The following AP3S1 variants were observed in gnomAD, a reference collection of about 807,000 sequenced individuals.
AP3S1 encodes AP-3 complex subunit sigma-1.
A neutral mutation model predicts 21.3 loss-of-function variants in AP3S1; 12 were observed. The observed-to-expected ratio is 0.56, with a 90% CI of 0.36 to 0.91. The LOEUF (loss-of-function observed/expected upper bound fraction) is 0.91, where lower values mean the gene tolerates loss of function less well. Among genes scored for constraint, AP3S1 ranks in the 40% least tolerant of loss-of-function variants. The probability of loss-of-function intolerance (pLI) is 0.01; values close to 1 mark genes in which losing one functional copy is unlikely to be tolerated. For synonymous variants in AP3S1, 48 were observed against 78.4 expected, an observed-to-expected ratio of 0.61 and a Z score of 2.05; for missense variants, 116 against 225.0, an observed-to-expected ratio of 0.52 and a Z score of 3.10.
intron 3 of AP3S1, among the ~76,000 whole-genome samples, chr5:115,871,685 GA>G (rs912876223): frequency 3.6e-4 from 53 of 146,834 alleles, no homozygotes; most frequent in Admixed American, 4.7e-4. Flanking sequence ...ATACCTAGAG[GA>G]AAAAAAAAAG....
chr5:115,881,526 C>G (rs1225517540), intron 3 of AP3S1, among the ~76,000 whole-genome samples: 6 of 152,194 alleles, frequency 3.9e-5, no homozygotes, highest in Non-Finnish European at 8.8e-5. Context: ...TTGACCTCCA[C>G]TGTTTTCTGG....
intron 1 of AP3S1, chr5:115,842,507 GCCCGGGAGGAGGAAGACGGCGTGGAA>G (rs371968650): frequency 0.012 from 2,081 of 167,984 alleles, 45 homozygotes; most frequent in African/African-American, 0.047. Context: ...GCTGCAGTTA[GCCCGGGAGGAGGAAGACGGCGTGGAA>G]CTCGTTCTTC....
intron 1 of AP3S1, among the ~76,000 whole-genome samples, chr5:115,858,983 A>G (rs1441737009): frequency 1.3e-5 from 2 of 151,918 alleles, no homozygotes; most frequent in Admixed American, 1.3e-4. Context: ...TCTGGGATAC[A>G]TGTGCAGAAT....
intron 4 of AP3S1, among the ~76,000 whole-genome samples, chr5:115,895,506 C>T (rs1750684233): frequency 6.6e-6 from 1 of 152,164 alleles, no homozygotes; most frequent in African/African-American, 2.4e-5. Context: ...ATATATCATA[C>T]ATAGAAAAGG....
intron 3 of AP3S1, among the ~76,000 whole-genome samples, chr5:115,870,909 T>C (rs1044033305): frequency 3.9e-5 from 6 of 152,204 alleles, no homozygotes; most frequent in Non-Finnish European, 7.4e-5. Flanking sequence ...TTATTACTAA[T>C]AGCAAAAACA....
At chr5:115,865,068 T>G (rs1483582393) in intron 1 of AP3S1, among the ~76,000 whole-genome samples, 1 of 151,798 alleles carries the variant, frequency 6.6e-6, no homozygotes, top group Non-Finnish European at 1.5e-5. Context: ...TTCCATAAAG[T>G]TATATCAAGT....
At position 115,843,998 on chromosome 5, in the gene AP3S1, AAAG is replaced by A. The variant is rs566759880; in HGVS notation, c.69+1898_69+1900del. 5.1e-4 allele frequency among the ~76,000 whole-genome samples: 78 copies of A among 152,356 alleles called. No individual in the cohort carries two copies. In the South Asian group the frequency reaches 0.015, roughly 30 times the overall value. On this transcript the variant is annotated intron_variant, in intron 1 of 5. Transcript: ENST00000316788. ...GAGGGCACAGAGCTAGAAGATATAA[AAAG>A]AAGAATCTGGTGGTCACTGGCCGTT... is the stretch of plus-strand genomic sequence containing the variant.
At chr5:115,908,397 A>G (rs1751833585) in intron 5 of AP3S1, among the ~76,000 whole-genome samples, 1 of 152,188 alleles carries the variant, frequency 6.6e-6, no homozygotes, top group African/African-American at 2.4e-5. Context: ...GGAGAGAATA[A>G]GAAAAGTGGC....
chr5:115,851,110 A>G (rs1463773385), intron 1 of AP3S1, among the ~76,000 whole-genome samples: 1 of 152,180 alleles, frequency 6.6e-6, no homozygotes, highest in East Asian at 1.9e-4. Flanking sequence ...CTCAAAGGAG[A>G]GAAGTAGGAT....
intron 1 of AP3S1, among the ~76,000 whole-genome samples, chr5:115,844,544 C>A (rs922790367): frequency 6.6e-6 from 1 of 152,170 alleles, no homozygotes; most frequent in Non-Finnish European, 1.5e-5. Flanking sequence ...AATGCAAAAA[C>A]CCTGAGGAGA....
intron 3 of AP3S1, among the ~76,000 whole-genome samples, chr5:115,886,480 A>G (rs1333190304): frequency 6.6e-6 from 1 of 152,188 alleles, no homozygotes; most frequent in African/African-American, 2.4e-5. Flanking sequence ...TGAAGAGTAA[A>G]TATATGTTCT....
At chr5:115,898,068 C>G (rs949783636) in intron 4 of AP3S1, among the ~76,000 whole-genome samples, 2 of 152,204 alleles carry the variant, frequency 1.3e-5, no homozygotes, top group African/African-American at 4.8e-5. Context: ...CCCATTCACG[C>G]AGTATGTTTA....
chr5:115,908,074 G>A (rs553666512), intron 5 of AP3S1, among the ~76,000 whole-genome samples: 4 of 152,178 alleles, frequency 2.6e-5, no homozygotes, highest in South Asian at 2.1e-4. Flanking sequence ...TTACTCTCTC[G>A]ATGTGTTTGA....
At position 115,866,733 on chromosome 5, in the gene AP3S1, A is replaced by T; in HGVS notation, c.133A>T (p.Asn45Tyr). ...TFHLVSKRDE[N>Y]VCNFLEGGLL... ...CCATTTGGTATCTAAGAGAGATGAAAATGTTTGTAATTTCCTAGAAGGAGG... is the reference window on the plus strand; with the variant it reads ...CCATTTGGTATCTAAGAGAGATGAATATGTTTGTAATTTCCTAGAAGGAGG... Residue 45 changes from asparagine to tyrosine, a missense_variant, in exon 2 of 6, where the codon AAT becomes TAT. Asn to Tyr is a moderately radical substitution (Grantham distance 143). Coordinates refer to ENST00000316788, the MANE Select transcript of AP3S1 (RefSeq NM_001284.4). The T allele has an allele frequency of 6.2e-7, 1 of 1,603,794 alleles. No homozygotes were observed. Among genetic ancestry groups the T allele is most frequent in the South Asian group, 1.1e-5 (1 of 89,660 alleles).
Position 115,896,964 on chromosome 5 carries a change from AAG to A in AP3S1, c.345+1810_345+1811del, listed in dbSNP as rs200608619. Among the ~76,000 whole-genome samples the A allele has an allele frequency of 6.3e-3, 958 of 152,288 alleles. 4 individuals carry two copies. The highest frequency in any genetic ancestry group is 0.017 in the Middle Eastern group (5 of 294). ...GTTCTTATATTTTTTTTACTAGAGA[AAG>A]AGAATAAAAGTTTTTAAGGAAATTA... On this transcript the variant is annotated intron_variant, in intron 4 of 5. Transcript: ENST00000316788.
intron 3 of AP3S1, among the ~76,000 whole-genome samples, chr5:115,892,078 A>G (rs1750355828): frequency 6.6e-6 from 1 of 152,234 alleles, no homozygotes; most frequent in African/African-American, 2.4e-5. Context: ...AACATCATTG[A>G]TCATCAGGGA....
At position 115,842,350 on chromosome 5, in the gene AP3S1, T is replaced by G. The variant is rs576546137; in HGVS notation, c.69+244T>G. ...TTCCTCCGCCCGTCGGTGGGCTGCA[T>G]GCTTTCCTGGCTGCGCGGGCGAGGC... On this transcript the variant is annotated intron_variant, in intron 1 of 5. Transcript: ENST00000316788. The G allele has an allele frequency of 1.3e-5, 6 of 479,298 alleles. No individual in the cohort carries two copies. The South Asian group carries it at 2.1e-4, about 16-fold the overall frequency. The allele number at this position is 479,298 out of a possible 1,614,324, so 29.7% of individuals were successfully genotyped here. A position where few individuals can be genotyped will look rare whatever the true frequency, so the allele number is the denominator to read the frequency against.
At position 115,913,356 on chromosome 5, in the gene AP3S1, A is replaced by G. The variant is rs750047640; in HGVS notation, c.454-6A>G. The G allele has an allele frequency of 8.6e-5, 36 of 419,262 alleles. 1 individual carries two copies. In the South Asian group the frequency reaches 2.6e-3, roughly 31 times the overall value. 26.0% of individuals were successfully genotyped at this position (419,262 alleles called of 1,614,324 possible). A position where few individuals can be genotyped will look rare whatever the true frequency, so the allele number is the denominator to read the frequency against. On this transcript the variant is annotated splice_polypyrimidine_tract_variant and splice_region_variant and intron_variant, in intron 5 of 5. Coordinates refer to ENST00000316788, the MANE Select transcript of AP3S1 (RefSeq NM_001284.4). ...TTCTTTTTCTTTTATTTGCTTCTGT[A>G]TACAGGCTGGCTTAGCAGGAGCTCC...
chr5:115,873,338 A>C (rs1748434160), intron 3 of AP3S1, among the ~76,000 whole-genome samples: 1 of 152,200 alleles, frequency 6.6e-6, no homozygotes, highest in African/African-American at 2.4e-5. Flanking sequence ...TCCATGCTTC[A>C]CACGTTGATC....
Sources: allele counts gnomAD v4.1 joint callset (sites outside exome capture counted in the v4.1 genomes callset), GRCh38; gene constraint gnomAD v4.1.1; transcripts MANE v1.5; gene names NCBI Gene and HGNC (gene_info 2026-07-23, HGNC 2026-07-21).